SCN8A: variants seen among roughly 807,000 people sequenced by gnomAD.
The protein encoded by SCN8A is sodium voltage-gated channel alpha subunit 8.
SCN8A carries 30 observed loss-of-function variants against 184.1 expected under a neutral mutation model. The ratio of observed to expected loss-of-function variants is 0.16; its 90% confidence interval spans 0.12 to 0.22. The LOEUF is 0.22. Ranked by LOEUF, SCN8A falls within the 10% of genes least tolerant of loss-of-function variation. The probability of loss-of-function intolerance (pLI) is 1.00; values close to 1 mark genes in which losing one functional copy is unlikely to be tolerated. For synonymous variants in SCN8A, 852 were observed against 907.0 expected, an observed-to-expected ratio of 0.94 and a Z score of 1.09; for missense variants, 1,057 against 2,498.9, an observed-to-expected ratio of 0.42 and a Z score of 12.30.
chr12:51,671,338 C>T (rs983568200), intron 2 of SCN8A, among the ~76,000 whole-genome samples: 1 of 152,120 alleles, frequency 6.6e-6, no homozygotes, highest in African/African-American at 2.4e-5. Flanking sequence ...ATAATGTTTG[C>T]AATTTTCTCC....
At chr12:51,624,850 C>G (rs1940041833) in intron 1 of SCN8A, among the ~76,000 whole-genome samples, 1 of 152,110 alleles carries the variant, frequency 6.6e-6, no homozygotes, top group South Asian at 2.1e-4. Flanking sequence ...GTTTTTCCAG[C>G]ACCGTTTATT....
chr12:51,800,775 G>A (rs1178199469), intron 26 of SCN8A, among the ~76,000 whole-genome samples: 2 of 152,232 alleles, frequency 1.3e-5, no homozygotes, highest in Non-Finnish European at 2.9e-5. Flanking sequence ...TGTCAGCTCA[G>A]AGCCAGTGTC....
chr12:51,754,243 A>G (rs1008387540), intron 14 of SCN8A, among the ~76,000 whole-genome samples: 5 of 152,120 alleles, frequency 3.3e-5, no homozygotes, highest in Admixed American at 6.5e-5. Context: ...AACTAACTGA[A>G]TACAATAGTA....
chr12:51,699,729 A>G lies in SCN8A; in HGVS notation c.866A>G (p.Asn289Ser), dbSNP rs1175971552. Residue 289 changes from asparagine (N) to serine (S), a missense_variant, in exon 7 of 27, where the codon AAC (asparagine) becomes AGC (serine). Asn to Ser is a conservative substitution (Grantham distance 46). This residue lies in a region of SCN8A where 26 missense variants were observed against 44.4 expected (regional missense o/e 0.59). Coordinates refer to ENST00000627620, the MANE Select transcript of SCN8A (RefSeq NM_001330260.2). ...TGTGTTGTGTGGCCCATAAACTTCA[A>G]CGAGAGCTATCTTGAAAATGGCACC... Reference protein sequence around the residue: ...NKCVVWPINFNESYLENGTKG... With the variant: ...NKCVVWPINFSESYLENGTKG... The G allele has an allele frequency of 1.2e-6, 2 of 1,613,944 alleles. No homozygotes were observed. Among genetic ancestry groups the G allele is most frequent in the Non-Finnish European group, 8.5e-7 (1 of 1,179,874 alleles).
At chr12:51,740,694 G>A (rs1942408031) in intron 12 of SCN8A, among the ~76,000 whole-genome samples, 1 of 152,122 alleles carries the variant, frequency 6.6e-6, no homozygotes, top group African/African-American at 2.4e-5. Flanking sequence ...CTTAGTGTAG[G>A]TTAAGTCCAG....
chr12:51,710,638 A>T (rs1185366894), intron 11 of SCN8A, among the ~76,000 whole-genome samples: 5 of 152,184 alleles, frequency 3.3e-5, no homozygotes, highest in Non-Finnish European at 7.3e-5. Context: ...CTGCTTGGGC[A>T]ACAGAACAAG....
intron 11 of SCN8A, among the ~76,000 whole-genome samples, chr12:51,708,761 CTT>C (rs1279862623): frequency 6.6e-6 from 1 of 152,080 alleles, no homozygotes; most frequent in African/African-American, 2.4e-5. Context: ...TTTCTGTAGT[CTT>C]TCTCCTTCTC....
At chr12:51,685,462 AC>A (rs1471391276) in intron 3 of SCN8A, among the ~76,000 whole-genome samples, 1 of 152,174 alleles carries the variant, frequency 6.6e-6, no homozygotes, top group African/African-American at 2.4e-5. Flanking sequence ...ACTTGTGCTG[AC>A]CTAAAATAGT....
chr12:51,601,366 G>A (rs1939459278), intron 1 of SCN8A, among the ~76,000 whole-genome samples: 1 of 151,830 alleles, frequency 6.6e-6, no homozygotes, highest in African/African-American at 2.4e-5. Flanking sequence ...TAAGTGCACA[G>A]ACTGAATGAT....
intron 1 of SCN8A, among the ~76,000 whole-genome samples, chr12:51,606,045 T>G (rs188857050): frequency 6.6e-6 from 1 of 152,340 alleles, no homozygotes; most frequent in East Asian, 1.9e-4. Flanking sequence ...CTGTGGGTTG[T>G]CTGTTTACTC....
intron 18 of SCN8A, 158 bp downstream of exon 18, chr12:51,770,143 C>G (rs1942902567): frequency 1.6e-6 from 1 of 630,940 alleles, no homozygotes; most frequent in Non-Finnish European, 2.8e-6. Flanking sequence ...ATTGTTTCCC[C>G]TATTTGTATC....
chr12:51,593,095 A>C (rs891101101), intron 1 of SCN8A, among the ~76,000 whole-genome samples: 18 of 152,120 alleles, frequency 1.2e-4, no homozygotes, highest in Admixed American at 3.3e-4. Flanking sequence ...CTGGTTCTTG[A>C]AATACTGCAG....
chr12:51,650,817 A>T (rs1291814316), intron 1 of SCN8A, among the ~76,000 whole-genome samples: 3 of 152,182 alleles, frequency 2.0e-5, no homozygotes, highest in Admixed American at 2.0e-4. Context: ...AAAGACATAC[A>T]CACAGAAATA....
intron 18 of SCN8A, 132 bp downstream of exon 18, chr12:51,770,117 T>G: frequency 1.5e-6 from 1 of 664,268 alleles, no homozygotes; most frequent in East Asian, 2.7e-5. Flanking sequence ...ACCCCACCAT[T>G]TTGAAGGAAA....
At chr12:51,661,093 A>G (rs1940916255) in intron 1 of SCN8A, among the ~76,000 whole-genome samples, 1 of 152,160 alleles carries the variant, frequency 6.6e-6, no homozygotes, top group Admixed American at 6.5e-5. Flanking sequence ...TAATGAAAGA[A>G]GTTCTGAGAT....
chr12:51,666,237 G>A (rs1289986362), intron 2 of SCN8A, among the ~76,000 whole-genome samples: 5 of 152,138 alleles, frequency 3.3e-5, no homozygotes, highest in East Asian at 3.8e-4. Context: ...TCACCTTCTC[G>A]CCCTTGAAGA....
At position 51,734,577 on chromosome 12, in the gene SCN8A, C is replaced by A. The variant is rs201186178; in HGVS notation, c.1999-11326C>A. On this transcript the variant is annotated intron_variant, in intron 12 of 26. Coordinates refer to ENST00000627620, the MANE Select transcript of SCN8A (RefSeq NM_001330260.2). ...GGGCGGGCCAGGTGTTCCTTGCCGT[C>A]ATTCCTGTAAACCCACAACCTTCCA... Among the ~76,000 whole-genome samples, 86 of 152,340 alleles carry A rather than the reference C, an allele frequency of 5.6e-4. No homozygotes were observed. The East Asian group carries it at 0.014, about 25-fold the overall frequency.
chr12:51,750,800 A>G (rs1158551779), intron 13 of SCN8A, among the ~76,000 whole-genome samples: 1 of 152,196 alleles, frequency 6.6e-6, no homozygotes, highest in African/African-American at 2.4e-5. Context: ...TTGAACTCAA[A>G]TATGTCTGGC....
At chr12:51,603,886 T>TA (rs780060405) in intron 1 of SCN8A, among the ~76,000 whole-genome samples, 6 of 151,964 alleles carry the variant, frequency 3.9e-5, no homozygotes, top group African/African-American at 1.2e-4. Context: ...TTTTGCCCAT[T>TA]AAAAAAAATT....
Sources: gnomAD v4.1 joint callset for allele counts (sites outside exome capture counted in the v4.1 genomes callset) on GRCh38, gnomAD v4.1.1 for gene constraint, gnomAD v4.1.1 regional missense constraint, MANE v1.5 for transcripts, NCBI Gene and HGNC (gene_info 2026-07-23, HGNC 2026-07-21) for gene names.